Variants in CDH18 observed in about 807,000 individuals in gnomAD.
CDH18 encodes cadherin 18.
Under a neutral mutation model 67.9 loss-of-function variants are expected in CDH18, and 31 were observed. That is an observed-to-expected ratio of 0.46 (90% CI 0.34 to 0.62). CDH18 has a LOEUF of 0.62. CDH18 is among the 20% of genes least tolerant of loss of function. The pLI, the probability that CDH18 is intolerant of heterozygous loss-of-function variation, is 0.01. For synonymous variants in CDH18, 362 were observed against 347.2 expected (o/e 1.04, Z -0.48); for missense variants, 890 against 975.5 (o/e 0.91, Z 1.17).
chr5:20,252,367 CA>C (rs1249307545), intron 2 of CDH18, among the ~76,000 whole-genome samples: 10 of 145,878 alleles, frequency 6.9e-5, no homozygotes, highest in South Asian at 2.2e-4. Context: ...AAACAAAAAA[CA>C]AAAAAAAAAT....
At chr5:20,431,504 A>AAAAAAAAAAAAAAAAAGAAG (rs536468948) in intron 1 of CDH18, among the ~76,000 whole-genome samples, 23 of 138,726 alleles carry the variant, frequency 1.7e-4, no homozygotes, top group Non-Finnish European at 2.6e-4. Context: ...AAAAAAAAAA[A>AAAAAAAAAAAAAAAAAGAAG]AAGAAGAAGA....
chr5:19,822,859 C>T (rs934560256), intron 3 of CDH18, among the ~76,000 whole-genome samples: 1 of 152,088 alleles, frequency 6.6e-6, no homozygotes, highest in Non-Finnish European at 1.5e-5. Context: ...CGGGAATTTT[C>T]TTGTCCTAAT....
intron 3 of CDH18, among the ~76,000 whole-genome samples, chr5:19,814,234 A>G (rs1426998976): frequency 3.9e-5 from 6 of 152,154 alleles, no homozygotes; most frequent in African/African-American, 1.4e-4. Flanking sequence ...TTGTAAAAAT[A>G]CCCAATAATA....
At chr5:20,164,203 C>T (rs969481388) in intron 2 of CDH18, among the ~76,000 whole-genome samples, 3 of 152,182 alleles carry the variant, frequency 2.0e-5, no homozygotes, top group African/African-American at 7.2e-5. Flanking sequence ...TCCTTCGCAA[C>T]ATAAGACAGA....
chr5:20,542,130 GA>G (rs1413895823), intron 1 of CDH18, among the ~76,000 whole-genome samples: 1 of 152,108 alleles, frequency 6.6e-6, no homozygotes, highest in Non-Finnish European at 1.5e-5. Context: ...ATTTTTAATA[GA>G]GACAGTGTTT....
intron 2 of CDH18, among the ~76,000 whole-genome samples, chr5:20,146,658 C>T (rs1322361837): frequency 6.6e-6 from 1 of 150,920 alleles, no homozygotes; most frequent in Non-Finnish European, 1.5e-5. Context: ...ATGGCTGTGC[C>T]CTAAATGTAT....
chr5:19,473,498 G>C lies in CDH18; in HGVS notation c.2101C>G (p.His701Asp). 6.2e-7 allele frequency: 1 copy of C among 1,613,770 alleles called. No homozygotes were observed. Among genetic ancestry groups the C allele is most frequent in the South Asian group, 1.1e-5 (1 of 91,078 alleles). Reference sequence around the variant, plus strand: ...CTTTCCAGGGTGGATGATGTCTGGTGTCTGGGAGTGAGCTTCACTTCAGGT... The same window carrying C: ...CTTTCCAGGGTGGATGATGTCTGGTCTCTGGGAGTGAGCTTCACTTCAGGT... ...IRPEVKLTPR[H>D]QTSSTLESID... The change falls in exon 13 of 13, where the codon CAC becomes GAC. Residue 701 changes from histidine to aspartate, a missense_variant. His to Asp is a moderately conservative substitution (Grantham distance 81). Coordinates refer to ENST00000382275, the MANE Select transcript of CDH18 (RefSeq NM_004934.5).
At chr5:19,967,138 G>T (rs1400269904) in intron 2 of CDH18, among the ~76,000 whole-genome samples, 5 of 151,884 alleles carry the variant, frequency 3.3e-5, no homozygotes, top group Non-Finnish European at 5.9e-5. Context: ...AAGTGAGAAT[G>T]AATGCTATAA....
chr5:19,804,876 A>G (rs1777870821), intron 3 of CDH18, among the ~76,000 whole-genome samples: 1 of 152,180 alleles, frequency 6.6e-6, no homozygotes, highest in Admixed American at 6.5e-5. Context: ...TCTGAAGATT[A>G]CTAAGTCTCT....
At chr5:19,510,255 A>G (rs1033758278) in intron 10 of CDH18, among the ~76,000 whole-genome samples, 2 of 152,136 alleles carry the variant, frequency 1.3e-5, no homozygotes, top group Non-Finnish European at 2.9e-5. Flanking sequence ...AAAAGAGTCA[A>G]ACACTATGAA....
intron 5 of CDH18, among the ~76,000 whole-genome samples, chr5:19,614,423 G>A (rs900298834): frequency 1.3e-5 from 2 of 151,336 alleles, no homozygotes; most frequent in African/African-American, 4.8e-5. Flanking sequence ...TCATGCATAT[G>A]AAAAAGCCTC....
chr5:20,078,818 G>A (rs182695122), intron 2 of CDH18, among the ~76,000 whole-genome samples: 26 of 152,184 alleles, frequency 1.7e-4, no homozygotes, highest in African/African-American at 5.8e-4. Context: ...GTCTCGCCAC[G>A]TTGGCCAGGC....
At chr5:20,506,800 C>A (rs1339252164) in intron 1 of CDH18, among the ~76,000 whole-genome samples, 1 of 152,086 alleles carries the variant, frequency 6.6e-6, no homozygotes, top group African/African-American at 2.4e-5. Context: ...GTCATTTTTT[C>A]TACCAAGTGT....
chr5:20,561,086 A>T (rs1758182741), intron 1 of CDH18, among the ~76,000 whole-genome samples: 1 of 151,986 alleles, frequency 6.6e-6, no homozygotes, highest in Non-Finnish European at 1.5e-5. Flanking sequence ...AATGGCCAAA[A>T]TTCAGAACTT....
intron 2 of CDH18, among the ~76,000 whole-genome samples, chr5:20,148,866 G>T (rs751118511): frequency 2.0e-5 from 3 of 152,022 alleles, no homozygotes; most frequent in African/African-American, 4.8e-5. Context: ...CAGCAAGAAA[G>T]TGATAACATC....
At chr5:20,044,900 A>G (rs1038270023) in intron 2 of CDH18, among the ~76,000 whole-genome samples, 24 of 152,168 alleles carry the variant, frequency 1.6e-4, no homozygotes, top group East Asian at 7.7e-4. Context: ...TCCAGCCATG[A>G]TCTTTATTTT....
intron 2 of CDH18, among the ~76,000 whole-genome samples, chr5:20,180,021 T>G (rs1737559767): frequency 6.6e-6 from 1 of 152,148 alleles, no homozygotes; most frequent in Non-Finnish European, 1.5e-5. Flanking sequence ...CTGATTATTG[T>G]AAATACAAAA....
chr5:19,974,765 G>A (rs1002239308), intron 2 of CDH18, among the ~76,000 whole-genome samples: 2 of 152,046 alleles, frequency 1.3e-5, no homozygotes, highest in Non-Finnish European at 2.9e-5. Flanking sequence ...GCTTGTCACT[G>A]TCCCGTTGAT....
At chr5:20,137,765 G>A (rs980688627) in intron 2 of CDH18, among the ~76,000 whole-genome samples, 2 of 151,960 alleles carry the variant, frequency 1.3e-5, no homozygotes, top group Non-Finnish European at 2.9e-5. Context: ...TACAGATGGG[G>A]TTTTGGTGTG....
Sources: allele counts gnomAD v4.1 joint callset (sites outside exome capture counted in the v4.1 genomes callset), GRCh38; gene constraint gnomAD v4.1.1; transcripts MANE v1.5; gene names NCBI Gene and HGNC (gene_info 2026-07-23, HGNC 2026-07-21).